Variants in FAM107B observed in about 807,000 individuals in gnomAD.
The protein encoded by FAM107B is protein FAM107B.
A neutral mutation model predicts 31.5 loss-of-function variants in FAM107B; 21 were observed. The observed-to-expected ratio is 0.67, with a 90% confidence interval of 0.47 to 0.96. The LOEUF (loss-of-function observed/expected upper bound fraction) is 0.96, where lower values mean the gene tolerates loss of function less well. Among genes scored for constraint, FAM107B ranks in the 40% least tolerant of loss-of-function variants. The probability of loss-of-function intolerance (pLI) is 0.00; values close to 1 mark genes in which losing one functional copy is unlikely to be tolerated. For synonymous variants in FAM107B, 157 were observed against 141.5 expected (o/e 1.11, Z -0.78); for missense variants, 452 against 377.1 (o/e 1.20, Z -1.64).
chr10:14,551,522 T>A (rs559169917), intron 2 of FAM107B, among the ~76,000 whole-genome samples: 1 of 152,110 alleles, frequency 6.6e-6, no homozygotes, highest in South Asian at 2.1e-4. Flanking sequence ...TAAAATTCAG[T>A]TTATAGTAGA....
Position 14,541,744 on chromosome 10 carries a change from C to T in FAM107B, c.470-11229G>A, listed in dbSNP as rs915846349. Reference sequence around the variant, plus strand: ...AAAAGACCTCTGAGTGACTTCCATCCTCTCCCCTATGCTCTGGCACAATGG... The same window carrying T: ...AAAAGACCTCTGAGTGACTTCCATCTTCTCCCCTATGCTCTGGCACAATGG... On this transcript the variant is annotated intron_variant, in intron 2 of 4. Coordinates refer to ENST00000181796, the MANE Select transcript of FAM107B (RefSeq NM_031453.4). Among the ~76,000 whole-genome samples the T allele has an allele frequency of 3.3e-5, 5 of 152,172 alleles. No individual in the cohort carries two copies. The South Asian group carries it at 6.2e-4, about 19-fold the overall frequency.
chr10:14,608,348 A>G (rs1852643910), intron 2 of FAM107B, among the ~76,000 whole-genome samples: 1 of 152,256 alleles, frequency 6.6e-6, no homozygotes, highest in Non-Finnish European at 1.5e-5. Flanking sequence ...TCAATTATCT[A>G]TGACTGTATA....
At chr10:14,557,255 C>G (rs1253105649) in intron 2 of FAM107B, among the ~76,000 whole-genome samples, 1 of 152,238 alleles carries the variant, frequency 6.6e-6, no homozygotes, top group Non-Finnish European at 1.5e-5. Flanking sequence ...AGATATTTAG[C>G]TACCTAGGGG....
At chr10:14,749,508 A>C (rs1832787093) in intron 1 of FAM107B, among the ~76,000 whole-genome samples, 1 of 152,222 alleles carries the variant, frequency 6.6e-6, no homozygotes, top group Non-Finnish European at 1.5e-5. Context: ...CACATACTTC[A>C]TTATATAATA....
At chr10:14,646,340 A>G (rs1014600725) in intron 2 of FAM107B, among the ~76,000 whole-genome samples, 1 of 150,882 alleles carries the variant, frequency 6.6e-6, no homozygotes, top group African/African-American at 2.4e-5. Context: ...ACCCCCGTCC[A>G]CCCTCCCTCC....
intron 1 of FAM107B, 26 bp downstream of exon 1, chr10:14,774,227 T>C: frequency 1.3e-6 from 2 of 1,580,930 alleles, no homozygotes; most frequent in East Asian, 2.2e-5. Context: ...ATCCCGTCTA[T>C]AATCGCAGAG....
At chr10:14,560,581 C>T (rs10466313) in intron 2 of FAM107B, among the ~76,000 whole-genome samples, 199 of 152,244 alleles carry the variant, frequency 1.3e-3, no homozygotes, top group African/African-American at 4.3e-3. Context: ...GTGGACTGAG[C>T]AGTCGATGGA....
At chr10:14,561,773 C>CA (rs1227460492) in intron 2 of FAM107B, among the ~76,000 whole-genome samples, 5 of 152,242 alleles carry the variant, frequency 3.3e-5, no homozygotes, top group African/African-American at 1.2e-4. Context: ...TAGGTATACT[C>CA]AGAGTATATT....
chr10:14,627,394 G>A (rs902343725), intron 2 of FAM107B, among the ~76,000 whole-genome samples: 4 of 152,224 alleles, frequency 2.6e-5, no homozygotes, highest in African/African-American at 9.6e-5. Flanking sequence ...GGAATCTAAA[G>A]GGTGTCATGC....
intron 2 of FAM107B, among the ~76,000 whole-genome samples, chr10:14,652,590 A>C (rs1853929317): frequency 6.6e-6 from 1 of 152,240 alleles, no homozygotes; most frequent in Admixed American, 6.5e-5. Context: ...AAGAGAATTA[A>C]GTAAAAAATC....
chr10:14,584,782 C>T (rs1294672747), intron 2 of FAM107B, among the ~76,000 whole-genome samples: 2 of 152,184 alleles, frequency 1.3e-5, no homozygotes, highest in Admixed American at 1.3e-4. Flanking sequence ...ACTCCCCTTG[C>T]AACCCCCACC....
At chr10:14,636,510 CA>C (rs1333403558) in intron 2 of FAM107B, among the ~76,000 whole-genome samples, 1 of 152,116 alleles carries the variant, frequency 6.6e-6, no homozygotes, top group African/African-American at 2.4e-5. Flanking sequence ...AGTAGAAAAG[CA>C]AAGCACTGAA....
chr10:14,731,530 C>G (rs549702696), intron 1 of FAM107B, among the ~76,000 whole-genome samples: 172 of 152,180 alleles, frequency 1.1e-3, no homozygotes, highest in Non-Finnish European at 2.2e-3. Context: ...CCACTGCACT[C>G]CAGCCTGGGT....
chr10:14,616,235 T>C (rs770555067), intron 2 of FAM107B, among the ~76,000 whole-genome samples: 2 of 152,342 alleles, frequency 1.3e-5, no homozygotes, highest in East Asian at 1.9e-4. Context: ...TTTGTTGGAA[T>C]GACTCTTCTT....
chr10:14,596,712 G>A (rs753982205), intron 2 of FAM107B, among the ~76,000 whole-genome samples: 7 of 152,024 alleles, frequency 4.6e-5, no homozygotes, highest in South Asian at 2.1e-4. Context: ...TTCACCCACC[G>A]CAGCAGGAAC....
chr10:14,768,293 T>C (rs905937462), intron 1 of FAM107B, among the ~76,000 whole-genome samples: 1 of 152,146 alleles, frequency 6.6e-6, no homozygotes, highest in Non-Finnish European at 1.5e-5. Flanking sequence ...ATAGAAAAAT[T>C]CGTCCTAAAA....
At chr10:14,604,114 A>AC (rs1174489938) in intron 2 of FAM107B, 186 of 340,902 alleles carry the variant, frequency 5.5e-4, no homozygotes, top group Middle Eastern at 3.2e-3. Flanking sequence ...GCGCACGGGG[A>AC]CCCCCCACCC....
At chr10:14,640,876 T>C (rs144289464) in intron 2 of FAM107B, among the ~76,000 whole-genome samples, 1 of 152,322 alleles carries the variant, frequency 6.6e-6, no homozygotes, top group African/African-American at 2.4e-5. Flanking sequence ...GACTGCCCAA[T>C]TCTCACATTT....
intron 2 of FAM107B, among the ~76,000 whole-genome samples, chr10:14,659,300 G>A (rs1380642839): frequency 3.9e-5 from 6 of 152,102 alleles, no homozygotes; most frequent in Admixed American, 1.3e-4. Context: ...AATTAGCTGG[G>A]CATGGTGGCG....
Sources: allele counts gnomAD v4.1 joint callset (sites outside exome capture counted in the v4.1 genomes callset), GRCh38; gene constraint gnomAD v4.1.1; transcripts MANE v1.5; gene names NCBI Gene and HGNC (gene_info 2026-07-23, HGNC 2026-07-21).